ABCA10: variants seen among roughly 807,000 people sequenced by gnomAD.
ABCA10 encodes ATP-binding cassette sub-family A member 10.
In ABCA10, 169 loss-of-function variants were observed where a neutral mutation model predicts 187.5. The observed-to-expected ratio is 0.90, with a 90% CI of 0.80 to 1.02. ABCA10 has a LOEUF of 1.02. Among genes scored for constraint, ABCA10 ranks in the 50% least tolerant of loss-of-function variants. The pLI is 0.00. For missense variants in ABCA10, 1,727 were observed against 1,812.4 expected, an observed-to-expected ratio of 0.95 and a Z score of 0.86; for synonymous variants, 574 against 601.8, an observed-to-expected ratio of 0.95 and a Z score of 0.68.
At chr17:69,208,302 T>A (rs1223191125) in intron 9 of ABCA10, among the ~76,000 whole-genome samples, 1 of 150,722 alleles carries the variant, frequency 6.6e-6, no homozygotes, top group Non-Finnish European at 1.5e-5. Context: ...CCTGTAGTCC[T>A]AGCTATTCGG....
At chr17:69,221,109 G>A in intron 5 of ABCA10, among the ~76,000 whole-genome samples, 1 of 152,190 alleles carries the variant, frequency 6.6e-6, no homozygotes, top group East Asian at 1.9e-4. Flanking sequence ...AGATGTAGGA[G>A]TGTAAGGGGA....
chr17:69,204,223 C>T (rs2074572543), intron 9 of ABCA10, among the ~76,000 whole-genome samples: 1 of 152,208 alleles, frequency 6.6e-6, no homozygotes, highest in Non-Finnish European at 1.5e-5. Flanking sequence ...TCCTACTATG[C>T]ACCAGCTCTG....
At chr17:69,215,619 G>T in intron 8 of ABCA10, 196 bp downstream of exon 8, 1 of 483,872 alleles carries the variant, frequency 2.1e-6, no homozygotes, top group South Asian at 5.7e-5. Flanking sequence ...AAATTTGCTA[G>T]GATTTTACAA....
chr17:69,191,877 GCTTT>G, intron 16 of ABCA10, among the ~76,000 whole-genome samples: 1 of 152,294 alleles, frequency 6.6e-6, no homozygotes, highest in South Asian at 2.1e-4. Context: ...AGTATTTGAT[GCTTT>G]CTAAAATGTT....
Position 69,153,922 on chromosome 17 carries a change from G to A in ABCA10, c.3874C>T (p.Leu1292=), listed in dbSNP as rs1877734076. 1 of 1,613,988 alleles carries A rather than the reference G, an allele frequency of 6.2e-7. No individual in the cohort carries two copies. Residue 1292 remains leucine, a synonymous_variant, in exon 32 of 39, where the codon CTG becomes TTG. Coordinates refer to ENST00000690296, the MANE Select transcript of ABCA10 (RefSeq NM_001377321.1). The part of the protein sequence containing the change: ...FLGYCPQENS[L]WPKLTMKEHL... Reference sequence around the variant, plus strand: ...TCTTTCATTGTAAGCTTGGGCCACAGTGAGTTCTCCTGAGGGCAGTACCCC... The same window carrying A: ...TCTTTCATTGTAAGCTTGGGCCACAATGAGTTCTCCTGAGGGCAGTACCCC...
chr17:69,218,115 C>T (rs1032789742), intron 6 of ABCA10, among the ~76,000 whole-genome samples: 5 of 152,148 alleles, frequency 3.3e-5, no homozygotes, highest in African/African-American at 1.2e-4. Flanking sequence ...ACATGTACCC[C>T]ACAGTATATA....
At chr17:69,205,106 T>C (rs2144821622) in intron 9 of ABCA10, among the ~76,000 whole-genome samples, 1 of 152,246 alleles carries the variant, frequency 6.6e-6, no homozygotes, top group Middle Eastern at 3.4e-3. Flanking sequence ...CCAGCCTGGG[T>C]GACACAGTGA....
chr17:69,185,080 A>G (rs553088225), intron 20 of ABCA10, among the ~76,000 whole-genome samples: 7 of 152,224 alleles, frequency 4.6e-5, no homozygotes, highest in South Asian at 2.1e-4. Flanking sequence ...GTTATCACTT[A>G]TAAGTGGGAG....
intron 27 of ABCA10, 80 bp downstream of exon 27, chr17:69,163,994 A>C: frequency 8.9e-7 from 1 of 1,125,460 alleles, no homozygotes; most frequent in Non-Finnish European, 1.2e-6. Flanking sequence ...AGACATTTAA[A>C]TTTGGCATAC....
chr17:69,162,838 C>CATATACATATACATATATATATAT (rs375141032), intron 27 of ABCA10, among the ~76,000 whole-genome samples: 31 of 120,830 alleles, frequency 2.6e-4, no homozygotes, highest in African/African-American at 7.4e-4. Flanking sequence ...TATACATATA[C>CATATACATATACATATATATATAT]ATATATATAT....
chr17:69,174,022 T>G (rs1254709763), intron 25 of ABCA10, among the ~76,000 whole-genome samples: 1 of 152,096 alleles, frequency 6.6e-6, no homozygotes, highest in Non-Finnish European at 1.5e-5. Context: ...ATGCCATGGT[T>G]CCTACATATA....
rs1383624666 is a variant in ABCA10 at position 69,192,661 on chromosome 17, G to A, written c.1781-8C>T. 9 of 1,605,862 alleles carry A rather than the reference G, an allele frequency of 5.6e-6. No homozygotes were observed. In the African/African-American group the frequency reaches 1.1e-4, roughly 19 times the overall value. On this transcript the variant is annotated splice_region_variant and splice_polypyrimidine_tract_variant and intron_variant, in intron 15 of 38. Transcript: ENST00000690296. ...ACAGAAATACTTTCCTATCTGAGTAGAAAGGAAGATTCAAAAAATTATGTG... is the reference window on the plus strand; with the variant it reads ...ACAGAAATACTTTCCTATCTGAGTAAAAAGGAAGATTCAAAAAATTATGTG...
In ABCA10 at chr17:69,197,021, G is replaced by GGGGAGA. The variant is rs752657441; in HGVS notation, c.1234+37_1234+42dup. On this transcript the variant is annotated intron_variant, in intron 11 of 38. Transcript: ENST00000690296. Reference sequence around the variant, plus strand: ...AGACCGTGGACAGAGGGAGGGGGAGGGGGAGAGGGAGAGGGAGAGGGAGAG... The same window carrying GGGGAGA: ...AGACCGTGGACAGAGGGAGGGGGAGGGGGAGAGGGAGAGGGAGAGGGAGAGGGAGAG... 196 of 1,396,760 alleles carry GGGGAGA rather than the reference G, an allele frequency of 1.4e-4. 2 individuals are homozygous for GGGGAGA. The African/African-American group carries it at 2.0e-3, about 14-fold the overall frequency. 86.5% of individuals were successfully genotyped at this position (1,396,760 alleles called of 1,614,324 possible). A position where few individuals can be genotyped will look rare whatever the true frequency, so the allele number is the denominator to read the frequency against.
chr17:69,189,880 T>G (rs1341748333), intron 18 of ABCA10, among the ~76,000 whole-genome samples: 1 of 152,210 alleles, frequency 6.6e-6, no homozygotes, highest in Non-Finnish European at 1.5e-5. Flanking sequence ...CGTTGGTCTA[T>G]GTATAGTAGC....
Position 69,193,119 on chromosome 17 carries a change from T to TGTCA in ABCA10, c.1767_1770dup (p.Ile591Ter). ...AGAAGCCAAGAATCACCAGCCAAGA[T>TGTCA]GTCAGCCTCATCCATGAATTGGGTA... On this transcript the variant is annotated stop_gained and frameshift_variant, in exon 15 of 39. Coordinates refer to ENST00000690296, the MANE Select transcript of ABCA10 (RefSeq NM_001377321.1). LOFTEE classifies it high-confidence loss of function. 6.2e-7 allele frequency: 1 copy of TGTCA among 1,606,858 alleles called. No individual in the cohort carries two copies. The highest frequency in any genetic ancestry group is 8.5e-7 in the Non-Finnish European group (1 of 1,177,618).
chr17:69,227,014 T>G (rs988300225), intron 2 of ABCA10, 131 bp downstream of exon 2: 6 of 151,394 alleles, frequency 4.0e-5, no homozygotes, highest in Non-Finnish European at 8.9e-5. Context: ...GAATCTCAAA[T>G]CAACTAGCCA....
intron 20 of ABCA10, among the ~76,000 whole-genome samples, chr17:69,185,159 C>T (rs574560275): frequency 6.6e-6 from 1 of 151,756 alleles, no homozygotes; most frequent in East Asian, 1.9e-4. Context: ...AAGGGTGGGA[C>T]GGGGTTGAGG....
intron 27 of ABCA10, among the ~76,000 whole-genome samples, chr17:69,159,198 T>C (rs540261035): frequency 1.1e-4 from 16 of 152,200 alleles, no homozygotes; most frequent in African/African-American, 3.4e-4. Flanking sequence ...AATAAAGTCA[T>C]ATTTCAAAAA....
At chr17:69,155,730 A>C (rs2074168498) in intron 29 of ABCA10, 75 bp downstream of exon 29, 1 of 1,508,750 alleles carries the variant, frequency 6.6e-7, no homozygotes, top group Non-Finnish European at 8.9e-7. Flanking sequence ...TTTCAAAATA[A>C]AAACCAACAT....
Sources: allele counts gnomAD v4.1 joint callset (sites outside exome capture counted in the v4.1 genomes callset), GRCh38; gene constraint gnomAD v4.1.1; transcripts MANE v1.5; gene names NCBI Gene and HGNC (gene_info 2026-07-23, HGNC 2026-07-21).